The following GRID2IP variants were observed in gnomAD, a reference collection of about 807,000 sequenced individuals.
GRID2IP encodes the protein Grid2 interacting protein.
In GRID2IP, 78 loss-of-function variants were observed where a neutral mutation model predicts 114.3. The ratio of observed to expected loss-of-function variants is 0.68; its 90% CI spans 0.57 to 0.82. The LOEUF (loss-of-function observed/expected upper bound fraction) is 0.82. Among genes scored for constraint, GRID2IP ranks in the 40% least tolerant of loss-of-function variants. The pLI is 0.00. For synonymous variants in GRID2IP, 809 were observed against 724.0 expected (o/e 1.12, Z -1.89); for missense variants, 1,727 against 1,678.5 (o/e 1.03, Z -0.51).
At position 6,534,163 on chromosome 7, in the gene GRID2IP, C is replaced by T. The variant is rs1779684743; in HGVS notation, c.584+5555G>A. 6.6e-6 allele frequency among the ~76,000 whole-genome samples: 1 copy of T among 152,124 alleles called. No individual in the cohort carries two copies. The highest frequency in any genetic ancestry group is 1.5e-5 in the Non-Finnish European group (1 of 68,020). The stretch of plus-strand genomic sequence containing the variant: ...CGTTTTACAGACAAACTGTAGATGT[C>T]AGTGAACCTGCCTGAGATTGCACTG... On this transcript the variant is annotated intron_variant, in intron 2 of 21. Transcript: ENST00000457091. The surrounding 1 kb of genome is among the most constrained non-coding windows in gnomAD (Gnocchi z 4.5).
intron 4 of GRID2IP, among the ~76,000 whole-genome samples, chr7:6,524,324 A>G (rs116615551): frequency 1.0e-3 from 157 of 152,336 alleles, no homozygotes; most frequent in African/African-American, 3.7e-3. Flanking sequence ...ATGGCCACCA[A>G]TGGAGATGTG....
rs1779413979 is a variant in GRID2IP at position 6,521,644 on chromosome 7, G to A, written c.990-121C>T. On this transcript the variant is annotated intron_variant, in intron 5 of 21. Coordinates refer to ENST00000457091, the MANE Select transcript of GRID2IP (RefSeq NM_001145118.2). The surrounding 1 kb of genome is among the most constrained non-coding windows in gnomAD (Gnocchi z 4.1). The stretch of plus-strand genomic sequence containing the variant: ...AGCAAGACCACCTCTGTGTGACTCT[G>A]TGTCCCCAGCATGGAGCTGGAGTAT... The A allele has an allele frequency of 1.4e-6, 1 of 728,128 alleles. No homozygotes were observed. The highest frequency in any genetic ancestry group is 2.3e-6 in the Non-Finnish European group (1 of 437,000). 45.1% of individuals were successfully genotyped at this position (728,128 alleles called of 1,614,324 possible). A position where few individuals can be genotyped will look rare whatever the true frequency, so the allele number is the denominator to read the frequency against.
chr7:6,544,925 GAAA>G (rs1156708805), intron 1 of GRID2IP, among the ~76,000 whole-genome samples: 4 of 151,618 alleles, frequency 2.6e-5, no homozygotes, highest in African/African-American at 4.8e-5. Context: ...ACTAAAAATA[GAAA>G]AAAAATTAGC....
Position 6,551,410 on chromosome 7 carries a change from C to G in GRID2IP, c.27G>C (p.Thr9=), listed in dbSNP as rs4724818. Residue 9 remains threonine (T), a synonymous_variant, in exon 1 of 22, where the codon ACG becomes ACC. Transcript: ENST00000457091. MATTATPA[T]NQGWPEDFGF... ...CAAAGTCCTCTGGCCAGCCCTGGTT[C>G]GTGGCCGGCGTGGCAGTGGTGGCCA... 0.47 allele frequency: 723,944 copies of G among 1,544,186 alleles called. 177,880 individuals carry two copies. Among genetic ancestry groups the G allele is most frequent in the Non-Finnish European group, 0.51 (589,144 of 1,143,990 alleles).
Position 6,505,892 on chromosome 7 carries a change from CAG to C in GRID2IP, c.2558_2559del (p.Ser853Ter), listed in dbSNP as rs1289236435. On this transcript the variant is annotated frameshift_variant, in exon 14 of 22. Coordinates refer to ENST00000457091, the MANE Select transcript of GRID2IP (RefSeq NM_001145118.2). LOFTEE classifies it high-confidence loss of function. The stretch of plus-strand genomic sequence containing the variant: ...ACCATGTCACTCAGCTTATCGTAGT[CAG>C]AGTCTTCCCCGAGCTGCGAGGGAGG... ...GTIWGQLGED[S>X]DYDKLSDMVK... The C allele has an allele frequency of 2.6e-6, 4 of 1,551,842 alleles. No individual in the cohort carries two copies. Among genetic ancestry groups the C allele is most frequent in the African/African-American group, 1.4e-5 (1 of 73,174 alleles).
chr7:6,516,911 C>G lies in GRID2IP; in HGVS notation c.1269-2382G>C, dbSNP rs1283343248. 1.3e-5 allele frequency among the ~76,000 whole-genome samples: 2 copies of G among 152,118 alleles called. No individual in the cohort carries two copies. Among genetic ancestry groups the G allele is most frequent in the African/African-American group, 4.8e-5 (2 of 41,420 alleles). On this transcript the variant is annotated intron_variant, in intron 7 of 21. Coordinates refer to ENST00000457091, the MANE Select transcript of GRID2IP (RefSeq NM_001145118.2). The surrounding 1 kb of genome is among the most constrained non-coding windows in gnomAD (Gnocchi z 4.3). ...CTTACCTATCATTGGAGATGACTCT[C>G]ACTCCATACCCTGCCCCTTTGCCTT...
At chr7:6,531,991 G>A (rs1779637477) in intron 2 of GRID2IP, among the ~76,000 whole-genome samples, 1 of 152,158 alleles carries the variant, frequency 6.6e-6, no homozygotes, top group African/African-American at 2.4e-5. Flanking sequence ...CGAGTAGAGG[G>A]CCTCCCAGAG....
intron 2 of GRID2IP, among the ~76,000 whole-genome samples, chr7:6,530,683 G>T (rs1270012013): frequency 2.0e-5 from 3 of 152,116 alleles, no homozygotes; most frequent in Non-Finnish European, 4.4e-5. Context: ...GAGAGGTCGT[G>T]CCCCCCAAAC....
Position 6,498,175 on chromosome 7 carries a change from G to C in GRID2IP, c.3453C>G (p.Arg1151=). Residue 1151 remains arginine (R), a synonymous_variant, in exon 21 of 22, where the codon CGC becomes CGG. Transcript: ENST00000457091. ...CCTTGCCCAGCTCCTCCATGGCCTC[G>C]CGCTGCAGCCCGTCGAGCGCCCGAA... ...PALRALDGLQ[R]EAMEELGKAL... is the part of the protein sequence containing the mutation. The C allele has an allele frequency of 6.4e-7, 1 of 1,551,190 alleles. No homozygotes were observed. Among genetic ancestry groups the C allele is most frequent in the Non-Finnish European group, 8.7e-7 (1 of 1,146,868 alleles).
intron 7 of GRID2IP, among the ~76,000 whole-genome samples, chr7:6,517,718 C>G (rs758924598): frequency 1.4e-3 from 213 of 151,800 alleles, no homozygotes; most frequent in Non-Finnish European, 9.9e-4. Context: ...GCCTGGCCAA[C>G]ATGGTGAAAC....
At chr7:6,527,498 C>T (rs1779537710) in intron 2 of GRID2IP, among the ~76,000 whole-genome samples, 1 of 152,212 alleles carries the variant, frequency 6.6e-6, no homozygotes, top group South Asian at 2.1e-4. Flanking sequence ...GACTGTGGCT[C>T]CTGCTCTCAA....
At chr7:6,502,201 T>G in intron 18 of GRID2IP, 83 bp from the exon 19 acceptor site, 1 of 1,307,024 alleles carries the variant, frequency 7.7e-7, no homozygotes, top group Non-Finnish European at 1.1e-6. Flanking sequence ...TGGACTACTG[T>G]GGCATCAATG....
intron 1 of GRID2IP, among the ~76,000 whole-genome samples, chr7:6,542,731 G>A (rs1562525583): frequency 1.3e-5 from 2 of 152,142 alleles, no homozygotes; most frequent in Non-Finnish European, 2.9e-5. Flanking sequence ...TCTTGTTAGA[G>A]TGATGAAATT....
intron 2 of GRID2IP, among the ~76,000 whole-genome samples, chr7:6,529,907 G>A (rs1193485059): frequency 6.9e-6 from 1 of 145,236 alleles, no homozygotes; most frequent in African/African-American, 2.6e-5. Context: ...TTCCTACCCC[G>A]CCCCCTCCTA....
intron 1 of GRID2IP, among the ~76,000 whole-genome samples, chr7:6,549,895 T>G (rs1224495561): frequency 6.6e-6 from 1 of 151,850 alleles, no homozygotes; most frequent in Non-Finnish European, 1.5e-5. Context: ...CCTCCCAAAG[T>G]GCTGGGATTA....
In GRID2IP at chr7:6,526,828, G is replaced by C. The variant is rs1779523538; in HGVS notation, c.585-59C>G. The C allele has an allele frequency of 7.1e-7, 1 of 1,414,636 alleles. No individual in the cohort carries two copies. The highest frequency in any genetic ancestry group is 9.2e-7 in the Non-Finnish European group (1 of 1,084,714). 87.6% of individuals were successfully genotyped at this position (1,414,636 alleles called of 1,614,324 possible). On this transcript the variant is annotated intron_variant, in intron 2 of 21. Transcript: ENST00000457091. This position sits in a 1 kb window ranked among gnomAD's most constrained non-coding sequence, Gnocchi z 7.6. ...CCCGGACCCCGGATCTCTGCAAACCGCGGCCCGAAGGCGCGTCCTCGCGGG... is the reference window on the plus strand; with the variant it reads ...CCCGGACCCCGGATCTCTGCAAACCCCGGCCCGAAGGCGCGTCCTCGCGGG...
rs1318195586 is a variant in GRID2IP, at chr7:6,520,238, G to T, written c.1268+340C>A. Among the ~76,000 whole-genome samples the T allele has an allele frequency of 1.3e-5, 2 of 151,898 alleles. No homozygotes were observed. Among genetic ancestry groups the T allele is most frequent in the Admixed American group, 6.6e-5 (1 of 15,214 alleles). On this transcript the variant is annotated intron_variant, in intron 7 of 21. Coordinates refer to ENST00000457091, the MANE Select transcript of GRID2IP (RefSeq NM_001145118.2). The surrounding 1 kb of genome is among the most constrained non-coding windows in gnomAD (Gnocchi z 4.6). Reference sequence around the variant, plus strand: ...ACCCAGGAGGCGGAGGCTGCAGTGAGCCAAGATCTCATCATTGCACTCCAG... The same window carrying T: ...ACCCAGGAGGCGGAGGCTGCAGTGATCCAAGATCTCATCATTGCACTCCAG...
intron 1 of GRID2IP, among the ~76,000 whole-genome samples, chr7:6,543,657 TG>T (rs1439677643): frequency 6.6e-6 from 1 of 152,032 alleles, no homozygotes; most frequent in Non-Finnish European, 1.5e-5. Flanking sequence ...TTGCCCAGGC[TG>T]GAGTGCAGTG....
At chr7:6,548,796 C>A (rs1779924375) in intron 1 of GRID2IP, among the ~76,000 whole-genome samples, 1 of 148,254 alleles carries the variant, frequency 6.7e-6, no homozygotes, top group Non-Finnish European at 1.5e-5. Flanking sequence ...GAGCCGAGAT[C>A]ACACCACTGC....
Sources: gnomAD v4.1 joint callset for allele counts (sites outside exome capture counted in the v4.1 genomes callset) on GRCh38, gnomAD v4.1.1 for gene constraint, Gnocchi (gnomAD v3.1) non-coding constraint, MANE v1.5 for transcripts, NCBI Gene and HGNC (gene_info 2026-07-23, HGNC 2026-07-21) for gene names.